The following IQCM variants were observed in gnomAD, a reference collection of about 807,000 sequenced individuals.
The protein encoded by IQCM is IQ motif containing M, also known as IQ domain-containing protein M.
In IQCM, 45 loss-of-function variants were observed where a neutral mutation model predicts 57.6. That is an observed-to-expected ratio of 0.78 (90% CI 0.62 to 1.00). The LOEUF is 1.00. IQCM is among the 50% of genes least tolerant of loss of function. The pLI, the probability that IQCM is intolerant of heterozygous loss-of-function variation, is 0.00. For missense variants in IQCM, 468 were observed against 511.6 expected, an observed-to-expected ratio of 0.91 and a Z score of 0.82; for synonymous variants, 148 against 158.9, an observed-to-expected ratio of 0.93 and a Z score of 0.51.
intron 8 of IQCM, among the ~76,000 whole-genome samples, chr4:149,595,080 T>A (rs964521478): frequency 1.3e-5 from 2 of 152,334 alleles, no homozygotes; most frequent in South Asian, 4.1e-4. Context: ...ATTATTATTA[T>A]GTGGGAGTCT....
intron 8 of IQCM, among the ~76,000 whole-genome samples, chr4:149,601,244 A>G (rs940082522): frequency 1.3e-5 from 2 of 151,934 alleles, no homozygotes; most frequent in African/African-American, 4.8e-5. Flanking sequence ...TTCCTAGGTG[A>G]TAACAATGCT....
chr4:149,578,603 C>T lies in IQCM; in HGVS notation c.749+9327G>A, dbSNP rs576621655. 9.2e-5 allele frequency among the ~76,000 whole-genome samples: 14 copies of T among 151,904 alleles called. No individual in the cohort carries two copies. In the East Asian group the frequency reaches 2.3e-3, roughly 25 times the overall value. On this transcript the variant is annotated intron_variant, in intron 9 of 13. Coordinates refer to ENST00000636793, the MANE Select transcript of IQCM (RefSeq NM_001363507.2). ...GAGAAGAGCTGACTCTACCTACTCC[C>T]ATCCGTCTCTCTCACCTCTGCTCAA...
chr4:149,515,654 G>A (rs1433574960), intron 12 of IQCM, among the ~76,000 whole-genome samples: 2 of 152,186 alleles, frequency 1.3e-5, no homozygotes, highest in Non-Finnish European at 1.5e-5. Context: ...AGCAGTGAAG[G>A]GAAATCTTCC....
intron 12 of IQCM, among the ~76,000 whole-genome samples, chr4:149,538,055 A>T (rs915979883): frequency 2.0e-5 from 3 of 151,426 alleles, no homozygotes; most frequent in African/African-American, 7.3e-5. Flanking sequence ...TTTGCAATAT[A>T]CATTTGCAGA....
intron 9 of IQCM, among the ~76,000 whole-genome samples, chr4:149,565,130 G>A (rs1750492358): frequency 6.6e-6 from 1 of 151,978 alleles, no homozygotes; most frequent in Admixed American, 6.6e-5. Flanking sequence ...TGACTGAGAT[G>A]CCCAGGTCAA....
chr4:149,659,369 T>C (rs1234401530), intron 7 of IQCM, among the ~76,000 whole-genome samples: 1 of 152,048 alleles, frequency 6.6e-6, no homozygotes, highest in Non-Finnish European at 1.5e-5. Flanking sequence ...TACTCACGGG[T>C]AGGAAGAATC....
intron 12 of IQCM, chr4:149,514,475 T>G (rs943794374): frequency 6.6e-6 from 1 of 152,178 alleles, no homozygotes; most frequent in Admixed American, 6.5e-5. Flanking sequence ...GCTATTGTTG[T>G]GAAACAAACA....
intron 13 of IQCM, among the ~76,000 whole-genome samples, chr4:149,399,641 T>C (rs1050052504): frequency 1.7e-4 from 26 of 152,086 alleles, no homozygotes; most frequent in African/African-American, 6.3e-4. Context: ...CAACTTCTAG[T>C]AACGATTAAG....
rs556716377 is a variant in IQCM, at chr4:149,452,890, G to T, written c.1229-19333C>A. ...ACGACATTGGAGACTAAGAAAGAGT[G>T]GTTTAAAAAAAAAAAGCTTTAAACA... On this transcript the variant is annotated intron_variant, in intron 12 of 13. Coordinates refer to ENST00000636793, the MANE Select transcript of IQCM (RefSeq NM_001363507.2). 2.7e-5 allele frequency among the ~76,000 whole-genome samples: 4 copies of T among 150,542 alleles called. No individual in the cohort carries two copies. In the South Asian group the frequency reaches 8.4e-4, roughly 31 times the overall value.
chr4:149,700,015 G>A (rs1400335674), intron 5 of IQCM, among the ~76,000 whole-genome samples: 1 of 151,668 alleles, frequency 6.6e-6, no homozygotes, highest in African/African-American at 2.4e-5. Flanking sequence ...CTTTTTTGTG[G>A]TACTAACTGC....
intron 12 of IQCM, among the ~76,000 whole-genome samples, chr4:149,440,781 C>T (rs188731993): frequency 1.2e-4 from 18 of 152,112 alleles, no homozygotes; most frequent in Admixed American, 2.6e-4. Flanking sequence ...AAAATAAGTG[C>T]TGTCTTTCAG....
At chr4:149,421,393 T>C (rs1330030528) in intron 13 of IQCM, among the ~76,000 whole-genome samples, 1 of 152,012 alleles carries the variant, frequency 6.6e-6, no homozygotes, top group East Asian at 1.9e-4. Context: ...TGTGAATGTA[T>C]AAAAACAGAT....
At chr4:149,540,076 G>T (rs1005962986) in intron 12 of IQCM, among the ~76,000 whole-genome samples, 1 of 151,704 alleles carries the variant, frequency 6.6e-6, no homozygotes, top group African/African-American at 2.4e-5. Context: ...AGGTCATAAG[G>T]GTAGGGCCCT....
At chr4:149,807,201 A>G (rs775507940) in intron 2 of IQCM, among the ~76,000 whole-genome samples, 3 of 151,948 alleles carry the variant, frequency 2.0e-5, no homozygotes, top group Non-Finnish European at 2.9e-5. Flanking sequence ...AAATAGCTAG[A>G]GCAATCCTAA....
At chr4:149,637,973 TG>T (rs1240422237) in intron 7 of IQCM, among the ~76,000 whole-genome samples, 2 of 152,098 alleles carry the variant, frequency 1.3e-5, no homozygotes, top group African/African-American at 2.4e-5. Flanking sequence ...AAATAAAAAC[TG>T]CTCATAAGAA....
intron 12 of IQCM, among the ~76,000 whole-genome samples, chr4:149,527,888 A>C (rs1746320208): frequency 6.6e-6 from 1 of 152,194 alleles, no homozygotes; most frequent in Non-Finnish European, 1.5e-5. Flanking sequence ...TGACATCAGC[A>C]ATCGACTCAA....
At chr4:149,404,674 A>ATTTT (rs1356227329) in intron 13 of IQCM, among the ~76,000 whole-genome samples, 1 of 152,072 alleles carries the variant, frequency 6.6e-6, no homozygotes, top group Non-Finnish European at 1.5e-5. Flanking sequence ...TATGGAACAA[A>ATTTT]AAGTACAGTT....
chr4:149,352,150 T>C, intron 13 of IQCM, 84 bp from the exon 14 acceptor site: 1 of 396,928 alleles, frequency 2.5e-6, no homozygotes, highest in Non-Finnish European at 4.4e-6. Context: ...TTCTATAAGT[T>C]ACAGGAAACT....
intron 7 of IQCM, among the ~76,000 whole-genome samples, chr4:149,642,723 G>A (rs901959130): frequency 3.9e-5 from 6 of 152,058 alleles, no homozygotes; most frequent in Non-Finnish European, 5.9e-5. Flanking sequence ...CTTTCGTTTC[G>A]CTATGAGTTA....
Sources: allele counts gnomAD v4.1 joint callset (sites outside exome capture counted in the v4.1 genomes callset), GRCh38; gene constraint gnomAD v4.1.1; transcripts MANE v1.5; gene names NCBI Gene and HGNC (gene_info 2026-07-23, HGNC 2026-07-21).